The following KCTD10 variants were observed in gnomAD, a reference collection of about 807,000 sequenced individuals.
The protein encoded by KCTD10 is BTB/POZ domain-containing adapter for CUL3-mediated RhoA degradation protein 3.
Under a neutral mutation model 34.6 loss-of-function variants are expected in KCTD10, and 13 were observed. That is an observed-to-expected ratio of 0.38 (90% confidence interval 0.24 to 0.60). KCTD10 has a LOEUF of 0.60. Among genes scored for constraint, KCTD10 ranks in the 20% least tolerant of loss-of-function variants. The probability of loss-of-function intolerance (pLI) is 0.66; values close to 1 mark genes in which losing one functional copy is unlikely to be tolerated. For missense variants in KCTD10, 256 were observed against 420.3 expected (o/e 0.61, Z 3.42); for synonymous variants, 156 against 168.8 (o/e 0.92, Z 0.59).
At chr12:109,477,136 G>T in intron 1 of KCTD10, 124 bp downstream of exon 1, 18 of 757,112 alleles carry the variant, frequency 2.4e-5, no homozygotes, top group Non-Finnish European at 3.0e-5. Context: ...TCCCCCAAAT[G>T]CCTCTCCACT....
At chr12:109,468,319 CTG>C (rs1162970909) in intron 2 of KCTD10, among the ~76,000 whole-genome samples, 1 of 152,164 alleles carries the variant, frequency 6.6e-6, no homozygotes, top group Non-Finnish European at 1.5e-5. Context: ...AGAGAATTAA[CTG>C]TGGGACACCA....
chr12:109,457,497 C>T, intron 5 of KCTD10, 133 bp downstream of exon 5: 1 of 719,866 alleles, frequency 1.4e-6, no homozygotes, highest in Non-Finnish European at 2.5e-6. Flanking sequence ...ATCCATCTGT[C>T]TACTTATCTA....
chr12:109,458,211 C>A, intron 3 of KCTD10, 133 bp from the exon 4 acceptor site: 1 of 657,792 alleles, frequency 1.5e-6, no homozygotes. Context: ...ATTCTCACCA[C>A]CAGTGAACTA....
chr12:109,451,404 G>A lies in KCTD10; in HGVS notation c.*191C>T, dbSNP rs1019015046. The stretch of plus-strand genomic sequence containing the variant: ...TTAGACACAGCTTGTTCAACGACAG[G>A]GGTCATACGCCTGGGTCAAGACAAT... On this transcript the variant is annotated 3_prime_UTR_variant, in exon 7 of 7. Transcript: ENST00000228495. The surrounding 1 kb of genome is among the most constrained non-coding windows in gnomAD (Gnocchi z 5.0). 3 of 562,368 alleles carry A rather than the reference G, an allele frequency of 5.3e-6. No homozygotes were observed. Among genetic ancestry groups the A allele is most frequent in the Non-Finnish European group, 9.3e-6 (3 of 323,646 alleles). 34.8% of individuals were successfully genotyped at this position (562,368 alleles called of 1,614,324 possible).
intron 6 of KCTD10, 59 bp downstream of exon 6, chr12:109,456,059 A>T: frequency 6.6e-7 from 1 of 1,509,278 alleles, no homozygotes; most frequent in Non-Finnish European, 9.2e-7. Flanking sequence ...AGTGAAAGGA[A>T]GTTCTATAGG....
intron 5 of KCTD10, 63 bp downstream of exon 5, chr12:109,457,567 C>A (rs1322331377): frequency 2.1e-6 from 3 of 1,443,758 alleles, no homozygotes; most frequent in Non-Finnish European, 2.9e-6. Context: ...AGAGCTGGGC[C>A]TGGCTGGTGT....
At position 109,449,167 on chromosome 12, in the gene KCTD10, T is replaced by TAACA. The variant is rs1219594971; in HGVS notation, c.*2424_*2427dup. On this transcript the variant is annotated 3_prime_UTR_variant, in exon 7 of 7. Coordinates refer to ENST00000228495, the MANE Select transcript of KCTD10 (RefSeq NM_031954.5). ...AAATATTGGTTTTTGCCCTTAGTGC[T>TAACA]AACATAAGAAAAATCAGTTCCTTGT... 6.6e-6 allele frequency: 1 copy of TAACA among 152,270 alleles called. No individual in the cohort carries two copies. Among genetic ancestry groups the TAACA allele is most frequent in the Non-Finnish European group, 1.5e-5 (1 of 68,048 alleles). 9.4% of individuals were successfully genotyped at this position (152,270 alleles called of 1,614,324 possible). A position where few individuals can be genotyped will look rare whatever the true frequency, so the allele number is the denominator to read the frequency against.
intron 2 of KCTD10, chr12:109,469,237 G>A: frequency 2.6e-6 from 1 of 384,396 alleles, no homozygotes; most frequent in Non-Finnish European, 4.8e-6. Flanking sequence ...ATCTTGGGAG[G>A]ACAAGGGTCC....
chr12:109,465,203 G>A (rs748518199), intron 2 of KCTD10, among the ~76,000 whole-genome samples: 4 of 152,146 alleles, frequency 2.6e-5, no homozygotes, highest in African/African-American at 7.2e-5. Context: ...CTCCGGCAGC[G>A]GCTGTATGCT....
chr12:109,466,411 G>A (rs1006099484), intron 2 of KCTD10, among the ~76,000 whole-genome samples: 48 of 152,218 alleles, frequency 3.2e-4, no homozygotes, highest in African/African-American at 1.0e-3. Flanking sequence ...CATAACTGGG[G>A]AAGGAGGAAA....
chr12:109,471,645 T>A (rs1873891861), intron 1 of KCTD10, among the ~76,000 whole-genome samples: 1 of 152,070 alleles, frequency 6.6e-6, no homozygotes, highest in African/African-American at 2.4e-5. Context: ...AAATCCTTTG[T>A]CCATGGGATG....
chr12:109,459,904 C>T (rs780514419), intron 3 of KCTD10, among the ~76,000 whole-genome samples: 6 of 152,214 alleles, frequency 3.9e-5, no homozygotes, highest in Non-Finnish European at 7.3e-5. Flanking sequence ...TTGAAGGATG[C>T]ATGTGCATCA....
Position 109,450,787 on chromosome 12 carries a change from C to T in KCTD10, c.*808G>A, listed in dbSNP as rs7295954. On this transcript the variant is annotated 3_prime_UTR_variant, in exon 7 of 7. Coordinates refer to ENST00000228495, the MANE Select transcript of KCTD10 (RefSeq NM_031954.5). ...CGGGTCAATCAGGAGAACAACTGGA[C>T]GGGGCTGGAGTTGGGGAAAGAACCA... The T allele has an allele frequency of 0.14, 22,713 of 159,196 alleles. 2,513 individuals carry two copies. The highest frequency in any genetic ancestry group is 0.31 in the African/African-American group (12,983 of 41,648). 9.9% of individuals were successfully genotyped at this position (159,196 alleles called of 1,614,324 possible). A position where few individuals can be genotyped will look rare whatever the true frequency, so the allele number is the denominator to read the frequency against.
intron 1 of KCTD10, chr12:109,471,489 G>A (rs1166220400): frequency 1.1e-6 from 1 of 913,524 alleles, no homozygotes; most frequent in Non-Finnish European, 1.3e-6. Context: ...AAAAGCTCAG[G>A]CTTAGCTCAC....
intron 1 of KCTD10, chr12:109,470,455 G>T: frequency 1.0e-6 from 1 of 985,508 alleles, no homozygotes; most frequent in Non-Finnish European, 1.2e-6. Context: ...ACATCTCAAA[G>T]AAATGGATAC....
intron 2 of KCTD10, chr12:109,469,269 C>T: frequency 3.8e-6 from 2 of 524,784 alleles, no homozygotes; most frequent in Non-Finnish European, 6.8e-6. Context: ...CTCTCTCTCC[C>T]CCAGGCTTGA....
intron 1 of KCTD10, among the ~76,000 whole-genome samples, chr12:109,471,704 C>T (rs994230937): frequency 5.3e-5 from 8 of 152,094 alleles, no homozygotes; most frequent in Admixed American, 3.3e-4. Flanking sequence ...GTGAAGACCT[C>T]GAAGGGGGGG....
chr12:109,475,646 G>C (rs1037278654), intron 1 of KCTD10, among the ~76,000 whole-genome samples: 8 of 152,162 alleles, frequency 5.3e-5, no homozygotes, highest in Non-Finnish European at 1.2e-4. Flanking sequence ...ACCTAGCTAA[G>C]GTATTTAACC....
At chr12:109,473,847 T>C (rs926909191) in intron 1 of KCTD10, among the ~76,000 whole-genome samples, 6 of 151,094 alleles carry the variant, frequency 4.0e-5, no homozygotes, top group Non-Finnish European at 8.8e-5. Flanking sequence ...AACGGCACGA[T>C]CTCAGCTCAC....
Sources: allele counts gnomAD v4.1 joint callset (sites outside exome capture counted in the v4.1 genomes callset), GRCh38; gene constraint gnomAD v4.1.1; non-coding constraint Gnocchi (gnomAD v3.1); transcripts MANE v1.5; gene names NCBI Gene and HGNC (gene_info 2026-07-23, HGNC 2026-07-21).